The following ABCC5 variants were observed in gnomAD, a reference collection of about 807,000 sequenced individuals.
ABCC5 encodes the protein ATP binding cassette subfamily C member 5.
Under a neutral mutation model 160.9 loss-of-function variants are expected in ABCC5, and 61 were observed. The ratio of observed to expected loss-of-function variants is 0.38; its 90% CI spans 0.31 to 0.47. The LOEUF (loss-of-function observed/expected upper bound fraction) is 0.47. Among genes scored for constraint, ABCC5 ranks in the 20% least tolerant of loss-of-function variants. The probability of loss-of-function intolerance (pLI) is 0.99; values close to 1 mark genes in which losing one functional copy is unlikely to be tolerated. For missense variants in ABCC5, 1,308 were observed against 1,813.3 expected (o/e 0.72, Z 5.06); for synonymous variants, 666 against 700.6 (o/e 0.95, Z 0.78).
intron 5 of ABCC5, chr3:183,985,977 C>T (rs1719183474): frequency 1.2e-5 from 2 of 160,732 alleles, no homozygotes; most frequent in South Asian, 3.5e-4. Flanking sequence ...TTGGGGAGCC[C>T]GTATGTGGGC....
rs1315084821 is a variant in ABCC5, at chr3:183,982,909, G to A, written c.690C>T (p.Ile230=). 11 of 1,614,210 alleles carry A rather than the reference G, an allele frequency of 6.8e-6. No individual in the cohort carries two copies. The highest frequency in any genetic ancestry group is 1.3e-5 in the African/African-American group (1 of 75,048). ...TCAGTGCAAGCGACCAAGACCGCAC[G>A]ATTTCCGTCAGGAGGAGGCCCAGCA... ...LLVLGLLLTE[I]VRSWSLALTW... The change falls in exon 6 of 30, where the codon ATC becomes ATT. Residue 230 remains isoleucine, a synonymous_variant. Transcript: ENST00000334444. The surrounding 1 kb of genome is among the most constrained non-coding windows in gnomAD (Gnocchi z 5.2).
intron 25 of ABCC5, among the ~76,000 whole-genome samples, 191 bp from the exon 26 acceptor site, chr3:183,938,251 T>C (rs576944381): frequency 6.6e-6 from 1 of 152,270 alleles, no homozygotes; most frequent in African/African-American, 2.4e-5. Flanking sequence ...GGCAGACACC[T>C]TCAAATTACA....
At chr3:184,003,533 C>T (rs1720925354) in intron 2 of ABCC5, among the ~76,000 whole-genome samples, 1 of 152,124 alleles carries the variant, frequency 6.6e-6, no homozygotes, top group Non-Finnish European at 1.5e-5. Context: ...GCTATTATTC[C>T]AAGTCAGGGA....
At chr3:183,971,944 C>A in intron 10 of ABCC5, 25 bp from the exon 11 acceptor site, 3 of 1,612,434 alleles carry the variant, frequency 1.9e-6, no homozygotes, top group Non-Finnish European at 1.7e-6. Flanking sequence ...GAGAGAGGTG[C>A]AAAGATGAGA....
At position 183,987,170 on chromosome 3, in the gene ABCC5, CAG is replaced by C. The variant is rs1719294035; in HGVS notation, c.591+598_591+599del. 2 of 161,754 alleles carry C rather than the reference CAG, an allele frequency of 1.2e-5. No homozygotes were observed. The allele number at this position is 161,754 out of a possible 1,614,324, so 10.0% of individuals were successfully genotyped here. On this transcript the variant is annotated intron_variant, in intron 5 of 29. Coordinates refer to ENST00000334444, the MANE Select transcript of ABCC5 (RefSeq NM_005688.4). This position sits in a 1 kb window ranked among gnomAD's most constrained non-coding sequence, Gnocchi z 4.2. ...GTGTAAGAAACAGGTGCCCAGGAAA[CAG>C]AGTGAACGTCAAAGGCTCTCTTGTC...
chr3:184,000,895 T>C lies in ABCC5; in HGVS notation c.130-11512A>G, dbSNP rs144635055. On this transcript the variant is annotated intron_variant, in intron 2 of 29. Coordinates refer to ENST00000334444, the MANE Select transcript of ABCC5 (RefSeq NM_005688.4). ...AGTTCAGCACTGTCCAATAGAAATA[T>C]AATGCAAGCTGCAAATGTAAGCCAC... 3.7e-4 allele frequency: 94 copies of C among 253,690 alleles called. 1 individual carries two copies. Among genetic ancestry groups the C allele is most frequent in the African/African-American group, 2.1e-3 (93 of 45,144 alleles). 15.7% of individuals were successfully genotyped at this position (253,690 alleles called of 1,614,324 possible).
intron 11 of ABCC5, among the ~76,000 whole-genome samples, chr3:183,968,124 T>C (rs1717396094): frequency 6.7e-6 from 1 of 148,206 alleles, no homozygotes; most frequent in Admixed American, 6.9e-5. Context: ...TAAAAATCAT[T>C]TTATTATTAT....
chr3:183,955,304 A>T (rs1309521842), intron 17 of ABCC5, among the ~76,000 whole-genome samples: 1 of 152,178 alleles, frequency 6.6e-6, no homozygotes, highest in Non-Finnish European at 1.5e-5. Context: ...GTGAGGTTGG[A>T]ATTAGGTATC....
intron 15 of ABCC5, among the ~76,000 whole-genome samples, chr3:183,962,321 C>T (rs7613962): frequency 0.08 from 12,170 of 151,868 alleles, 1,641 homozygotes; most frequent in African/African-American, 0.28. Context: ...TGTGTGGAAA[C>T]CATCATAAAG....
At chr3:183,984,816 A>C in intron 5 of ABCC5, 1 of 1,583,142 alleles carries the variant, frequency 6.3e-7, no homozygotes, top group South Asian at 1.1e-5. Flanking sequence ...CCTCACGTGA[A>C]GCAACTCAGT....
chr3:183,967,469 G>A, intron 12 of ABCC5: 2 of 513,406 alleles, frequency 3.9e-6, no homozygotes, highest in South Asian at 2.0e-5. Flanking sequence ...GGTTCCAGCT[G>A]GGACAACAGT....
Position 183,938,020 on chromosome 3 carries a change from C to T in ABCC5, c.3735G>A (p.Glu1245=). 6.2e-7 allele frequency: 1 copy of T among 1,614,224 alleles called. No individual in the cohort carries two copies. Among genetic ancestry groups the T allele is most frequent in the Non-Finnish European group, 8.5e-7 (1 of 1,180,038 alleles). ...CAATCTTGATGCAGCCTCCAGATAA[C>T]TCCACCAGACGGAAGAGGGCCATCC... ...SLGMALFRLV[E]LSGGCIKIDG... is the part of the protein sequence containing the mutation. The change falls in exon 26 of 30, where the codon GAG becomes GAA. Residue 1245 remains glutamate (E), a synonymous_variant. Transcript: ENST00000334444.
In ABCC5 at chr3:183,971,607, G is replaced by A. The variant is rs368112213; in HGVS notation, c.1717C>T (p.Arg573Cys). Residue 573 changes from arginine (R) to cysteine (C), a missense_variant, in exon 11 of 30, where the codon CGC becomes TGC. Physicochemically the swap from Arg to Cys is radical, Grantham distance 180. This residue lies in a region of ABCC5 where 1,142 missense variants were observed against 1,527.1 expected (regional missense o/e 0.75). Transcript: ENST00000334444. ...EGKHIHLGHLRLQRTLHSIDL... is the reference protein window; with the variant it reads ...EGKHIHLGHLCLQRTLHSIDL... ...ATGCTGTGCAGTGTCCTCTGTAAGC[G>A]CAGGTGGCCCAGGTGGATGTGCTTG... 2.4e-5 allele frequency: 38 copies of A among 1,613,998 alleles called. No homozygotes were observed. The highest frequency in any genetic ancestry group is 1.6e-4 in the Middle Eastern group (1 of 6,074).
At chr3:183,964,365 C>T (rs1020618202) in intron 14 of ABCC5, among the ~76,000 whole-genome samples, 1 of 152,202 alleles carries the variant, frequency 6.6e-6, no homozygotes, top group Non-Finnish European at 1.5e-5. Context: ...ATAAATGTTA[C>T]TAAATGATTA....
intron 2 of ABCC5, among the ~76,000 whole-genome samples, chr3:184,001,668 C>A (rs1015782259): frequency 6.6e-6 from 1 of 152,180 alleles, no homozygotes; most frequent in Non-Finnish European, 1.5e-5. Flanking sequence ...CCCAAAATGT[C>A]AATCGTACTA....
At chr3:183,933,410 G>A (rs1396436616) in intron 26 of ABCC5, among the ~76,000 whole-genome samples, 2 of 152,106 alleles carry the variant, frequency 1.3e-5, no homozygotes, top group African/African-American at 4.8e-5. Flanking sequence ...AAACACTCCA[G>A]CTGCGGGGGA....
chr3:183,984,188 T>A (rs921251135), intron 5 of ABCC5: 10 of 985,428 alleles, frequency 1.0e-5, no homozygotes, highest in African/African-American at 1.7e-5. Context: ...GAATTACCTC[T>A]GCTCGGGACA....
chr3:183,963,534 C>A lies in ABCC5; in HGVS notation c.2086G>T (p.Ala696Ser). Residue 696 changes from alanine (A) to serine (S), a missense_variant, in exon 15 of 30, where the codon GCC (alanine) becomes TCC (serine). Around this residue, in one of 3 missense-constraint regions of ABCC5, gnomAD observed 1,142 missense variants for 1,527.1 expected, o/e 0.75. Transcript: ENST00000334444. This position sits in a 1 kb window ranked among gnomAD's most constrained non-coding sequence, Gnocchi z 4.6. ...CTCCTGTCACTATACAAGGCCCGGG[C>A]AAGGCTGATCCTCTGGCGCTGCCCA... ...SGGQRQRISL[A>S]RALYSDRSIY... is the part of the protein sequence containing the mutation. 1.9e-6 allele frequency: 3 copies of A among 1,614,218 alleles called. No homozygotes were observed. The highest frequency in any genetic ancestry group is 2.5e-6 in the Non-Finnish European group (3 of 1,180,052).
chr3:183,965,894 C>T (rs1436805898), intron 12 of ABCC5, among the ~76,000 whole-genome samples: 1 of 152,104 alleles, frequency 6.6e-6, no homozygotes, highest in Non-Finnish European at 1.5e-5. Context: ...AAGGCAATTA[C>T]CTAGGATGCT....
Sources: allele counts gnomAD v4.1 joint callset (sites outside exome capture counted in the v4.1 genomes callset), GRCh38; gene constraint gnomAD v4.1.1; regional missense constraint gnomAD v4.1.1; non-coding constraint Gnocchi (gnomAD v3.1); transcripts MANE v1.5; gene names NCBI Gene and HGNC (gene_info 2026-07-23, HGNC 2026-07-21).